The following POU3F3 variants were observed in gnomAD, a reference collection of about 807,000 sequenced individuals.
POU3F3 encodes the protein POU domain, class 3, transcription factor 3.
A neutral mutation model predicts 8.6 loss-of-function variants in POU3F3; 1 was observed. The observed-to-expected ratio is 0.12, with a 90% CI of 0.04 to 0.55. The LOEUF is 0.55. POU3F3 is among the 20% of genes least tolerant of loss of function. The probability of loss-of-function intolerance (pLI) is 0.91; values close to 1 mark genes in which losing one functional copy is unlikely to be tolerated. For synonymous variants in POU3F3, 418 were observed against 327.4 expected (o/e 1.28, Z -2.99); for missense variants, 577 against 690.7 (o/e 0.84, Z 1.84).
the POU3F3 span, among the ~76,000 whole-genome samples, chr2:104,919,213 T>G: frequency 6.6e-6 from 1 of 152,236 alleles, no homozygotes; most frequent in African/African-American, 2.4e-5. Context: ...TGGAGAACAG[T>G]ATGTGCTGTG....
At chr2:104,865,879 T>C in the POU3F3 span, 2 of 152,196 alleles carry the variant, frequency 1.3e-5, no homozygotes. Flanking sequence ...GAAAGCACAG[T>C]ATCACCCAGA....
rs1676600274 is a variant in POU3F3, at chr2:104,857,702, A to G, written c.*689A>G. On this transcript the variant is annotated 3_prime_UTR_variant, in exon 1 of 1. Transcript: ENST00000361360. ...GACCCTGTTTTTCTTGGCCATATTA[A>G]AGTCATTTGGAAACAAATCAACTCT... 6.5e-6 allele frequency: 1 copy of G among 153,452 alleles called. No homozygotes were observed. The highest frequency in any genetic ancestry group is 2.1e-4 in the South Asian group (1 of 4,830). The allele number at this position is 153,452 out of a possible 1,614,324, so 9.5% of individuals were successfully genotyped here. A position where few individuals can be genotyped will look rare whatever the true frequency, so the allele number is the denominator to read the frequency against.
chr2:104,927,711 T>A, the POU3F3 span, among the ~76,000 whole-genome samples: 1 of 136,546 alleles, frequency 7.3e-6, no homozygotes, highest in Non-Finnish European at 1.5e-5. Flanking sequence ...TGTGCCACTC[T>A]ACTCTAGCCT....
the POU3F3 span, among the ~76,000 whole-genome samples, chr2:104,899,780 G>A: frequency 0.011 from 1,627 of 152,276 alleles, 21 homozygotes; most frequent in Admixed American, 0.037. Flanking sequence ...CCAAGCTCTC[G>A]TCCTATCTAT....
chr2:104,922,454 C>A, the POU3F3 span, among the ~76,000 whole-genome samples: 40 of 145,304 alleles, frequency 2.8e-4, no homozygotes, highest in African/African-American at 8.9e-4. Flanking sequence ...GATGTATGAG[C>A]ATGATGAAAA....
chr2:104,891,420 A>G, the POU3F3 span, among the ~76,000 whole-genome samples: 2 of 152,196 alleles, frequency 1.3e-5, no homozygotes, highest in Non-Finnish European at 2.9e-5. Flanking sequence ...TGGGTGTCTT[A>G]TGCACAAGTC....
chr2:104,868,467 A>G, the POU3F3 span: 1 of 414,536 alleles, frequency 2.4e-6, no homozygotes, highest in Non-Finnish European at 4.9e-6. Flanking sequence ...CCCTTTCTTG[A>G]ACTCAACTCA....
the POU3F3 span, among the ~76,000 whole-genome samples, chr2:104,864,272 T>A: frequency 6.6e-6 from 1 of 152,220 alleles, no homozygotes; most frequent in South Asian, 2.1e-4. Context: ...GAGGCCGTGG[T>A]GAGCCTTAGA....
the POU3F3 span, chr2:104,869,857 T>A: frequency 6.6e-6 from 1 of 152,194 alleles, no homozygotes; most frequent in Non-Finnish European, 1.5e-5. Context: ...GGCAGCCTCT[T>A]GCCCCCTCCT....
chr2:104,905,294 A>G, the POU3F3 span, among the ~76,000 whole-genome samples: 1 of 152,198 alleles, frequency 6.6e-6, no homozygotes, highest in African/African-American at 2.4e-5. Flanking sequence ...TTTTAAATAG[A>G]CCATAGTATT....
rs1336208370 is a variant in POU3F3, at chr2:104,854,417, C to G, written c.-1094C>G. ...CCTCCACCTCCACCAATGCACTCTT[C>G]TTCCTCCTCCTTCTCCAGACAACTG... is the stretch of plus-strand genomic sequence containing the variant. On this transcript the variant is annotated 5_prime_UTR_variant, in exon 1 of 1. Coordinates refer to ENST00000361360, the MANE Select transcript of POU3F3 (RefSeq NM_006236.3). This position sits in a 1 kb window ranked among gnomAD's most constrained non-coding sequence, Gnocchi z 4.5. Among the ~76,000 whole-genome samples the G allele has an allele frequency of 6.6e-6, 1 of 152,246 alleles. No individual in the cohort carries two copies. The highest frequency in any genetic ancestry group is 1.5e-5 in the Non-Finnish European group (1 of 68,050).
At chr2:104,861,759 G>A (rs1676659819), downstream of POU3F3, among the ~76,000 whole-genome samples, 1 of 152,204 alleles carries the variant, frequency 6.6e-6, no homozygotes, top group South Asian at 2.1e-4. Context: ...GTTGAGTGAC[G>A]CATGTGAGAA....
At chr2:104,874,650 T>C in the POU3F3 span, among the ~76,000 whole-genome samples, 1 of 152,064 alleles carries the variant, frequency 6.6e-6, no homozygotes, top group Non-Finnish European at 1.5e-5. Context: ...AGGTGGCTGA[T>C]TGCAGGGGAA....
At chr2:104,869,992 C>T in the POU3F3 span, 4 of 152,180 alleles carry the variant, frequency 2.6e-5, no homozygotes, top group African/African-American at 2.4e-5. Flanking sequence ...TCAGGCTCTC[C>T]TCTTTAGAAC....
At chr2:104,920,444 A>C in the POU3F3 span, among the ~76,000 whole-genome samples, 1 of 152,180 alleles carries the variant, frequency 6.6e-6, no homozygotes, top group Non-Finnish European at 1.5e-5. Flanking sequence ...ATGTGAATTT[A>C]TCTCTCCCTT....
upstream of POU3F3, chr2:104,853,652 C>T (rs926988560): frequency 6.6e-6 from 1 of 152,304 alleles, no homozygotes; most frequent in Admixed American, 6.5e-5. Flanking sequence ...CAACCCGACG[C>T]GTACTAGGTG....
At chr2:104,910,801 T>C in the POU3F3 span, among the ~76,000 whole-genome samples, 4 of 151,918 alleles carry the variant, frequency 2.6e-5, no homozygotes, top group Non-Finnish European at 4.4e-5. Context: ...TCCACATCCA[T>C]GGATTAAACG....
the POU3F3 span, among the ~76,000 whole-genome samples, chr2:104,880,682 T>G: frequency 6.6e-6 from 1 of 152,184 alleles, no homozygotes; most frequent in Non-Finnish European, 1.5e-5. Flanking sequence ...CTTCACTCCA[T>G]TTTCCTCTTT....
chr2:104,912,985 T>C, the POU3F3 span, among the ~76,000 whole-genome samples: 23 of 152,350 alleles, frequency 1.5e-4, no homozygotes, highest in African/African-American at 5.3e-4. Context: ...CTTGAATTAT[T>C]ACTCTCAAGA....
Sources: allele counts gnomAD v4.1 joint callset (sites outside exome capture counted in the v4.1 genomes callset), GRCh38; gene constraint gnomAD v4.1.1; non-coding constraint Gnocchi (gnomAD v3.1); transcripts MANE v1.5; gene names NCBI Gene and HGNC (gene_info 2026-07-23, HGNC 2026-07-21).